GALNT9: variants seen among roughly 807,000 people sequenced by gnomAD.
The protein encoded by GALNT9 is polypeptide N-acetylgalactosaminyltransferase 9, also known as GalNAc transferase 9.
In GALNT9, 47 loss-of-function variants were observed where a neutral mutation model predicts 63.1. That is an observed-to-expected ratio of 0.75 (90% CI 0.59 to 0.95). The LOEUF (loss-of-function observed/expected upper bound fraction) is 0.95. Ranked by LOEUF, GALNT9 falls within the 40% of genes least tolerant of loss-of-function variation. The pLI is 0.00. For synonymous variants in GALNT9, 396 were observed against 365.7 expected (o/e 1.08, Z -0.94); for missense variants, 829 against 874.8 (o/e 0.95, Z 0.66).
At chr12:132,322,888 G>C (rs1555246259) in intron 1 of GALNT9, among the ~76,000 whole-genome samples, 1 of 152,224 alleles carries the variant, frequency 6.6e-6, no homozygotes, top group African/African-American at 2.4e-5. Flanking sequence ...GCTGACACCA[G>C]TCCGCTTGCT....
At chr12:132,202,404 T>G (rs1876220701) in intron 7 of GALNT9, among the ~76,000 whole-genome samples, 1 of 152,052 alleles carries the variant, frequency 6.6e-6, no homozygotes, top group South Asian at 2.1e-4. Flanking sequence ...CGGGAGCTGA[T>G]ATGGGGGCTG....
chr12:132,313,817 C>G (rs1343909844), intron 1 of GALNT9, among the ~76,000 whole-genome samples: 1 of 90,926 alleles, frequency 1.1e-5, no homozygotes, highest in Non-Finnish European at 2.1e-5. Flanking sequence ...CACCCATCCA[C>G]CCACCCAGCC....
chr12:132,292,085 C>A (rs1880881622), intron 1 of GALNT9, among the ~76,000 whole-genome samples: 1 of 152,218 alleles, frequency 6.6e-6, no homozygotes, highest in African/African-American at 2.4e-5. Context: ...CAGGTTCTAA[C>A]CTGAAGCCAT....
intron 2 of GALNT9, among the ~76,000 whole-genome samples, chr12:132,271,144 G>A (rs976695461): frequency 3.3e-5 from 5 of 152,160 alleles, no homozygotes; most frequent in Admixed American, 6.5e-5. Flanking sequence ...GTGTTACTGC[G>A]GCAGCAGTGG....
intron 6 of GALNT9, among the ~76,000 whole-genome samples, chr12:132,204,110 A>G (rs1208480037): frequency 6.7e-6 from 1 of 149,522 alleles, no homozygotes; most frequent in Non-Finnish European, 1.5e-5. Context: ...GCTGCTTGCC[A>G]TGCAGACACC....
At position 132,196,729 on chromosome 12, in the gene GALNT9, A is replaced by G; in HGVS notation, c.*378T>C. The G allele has an allele frequency of 9.8e-7, 1 of 1,017,736 alleles. No homozygotes were observed. Among genetic ancestry groups the G allele is most frequent in the African/African-American group, 1.7e-5 (1 of 58,190 alleles). The allele number at this position is 1,017,736 out of a possible 1,614,324, so 63.0% of individuals were successfully genotyped here. On this transcript the variant is annotated 3_prime_UTR_variant, in exon 11 of 11. Transcript: ENST00000328957. The stretch of plus-strand genomic sequence containing the variant: ...CATGGGAGGCCTGCGGGTGGAAGAC[A>G]CCAGGGTGCAGCCTGGTGCATGGTC...
intron 1 of GALNT9, among the ~76,000 whole-genome samples, chr12:132,305,226 C>G (rs1488092115): frequency 3.4e-5 from 2 of 58,100 alleles, no homozygotes; most frequent in Admixed American, 1.9e-4. Flanking sequence ...CTCGCCCGGA[C>G]ACACCCTCAC....
At chr12:132,240,531 G>A (rs2136898485) in intron 6 of GALNT9, 2 of 441,336 alleles carry the variant, frequency 4.5e-6, no homozygotes, top group Non-Finnish European at 4.5e-6. Flanking sequence ...GTGCTGCTGT[G>A]GGCCTGGCGT....
chr12:132,325,416 T>TG (rs767781511), intron 1 of GALNT9, among the ~76,000 whole-genome samples: 13 of 151,810 alleles, frequency 8.6e-5, no homozygotes, highest in East Asian at 1.9e-4. Flanking sequence ...CACACAGTCA[T>TG]GGGGGGATGC....
chr12:132,225,013 ACC>A (rs1186578046), intron 6 of GALNT9, among the ~76,000 whole-genome samples: 1,246 of 95,434 alleles, frequency 0.013, 23 homozygotes, highest in East Asian at 0.067. Flanking sequence ...CTATACGTAC[ACC>A]CCCCCCACAC....
chr12:132,293,344 G>A (rs1343582630), intron 1 of GALNT9, among the ~76,000 whole-genome samples: 4 of 152,234 alleles, frequency 2.6e-5, no homozygotes, highest in Non-Finnish European at 4.4e-5. Flanking sequence ...GGGCTCCGGG[G>A]AGCCTCTGGC....
At chr12:132,244,064 C>T (rs2136906177) in intron 6 of GALNT9, among the ~76,000 whole-genome samples, 27 of 150,390 alleles carry the variant, frequency 1.8e-4, no homozygotes, top group Non-Finnish European at 3.1e-4. Flanking sequence ...GTGCAGTTCT[C>T]GACACCGGCA....
chr12:132,202,369 T>G (rs1241252950), intron 7 of GALNT9, among the ~76,000 whole-genome samples: 2 of 152,258 alleles, frequency 1.3e-5, no homozygotes, highest in Admixed American at 1.3e-4. Flanking sequence ...CGAGTGCACG[T>G]GTCTACGGCT....
rs150934458 is a variant in GALNT9 at position 132,303,830 on chromosome 12, G to A, written c.239-17400C>T. Among the ~76,000 whole-genome samples the A allele has an allele frequency of 1.3e-3, 5 of 3,896 alleles. 1 individual carries two copies. The highest frequency in any genetic ancestry group is 5.4e-3 in the African/African-American group (5 of 924). 2.6% of individuals were successfully genotyped at this position (3,896 alleles called of 152,430 possible). A position where few individuals can be genotyped will look rare whatever the true frequency, so the allele number is the denominator to read the frequency against. On this transcript the variant is annotated intron_variant, in intron 1 of 10. Transcript: ENST00000328957. ...ACCCTCACCCGGGCACACCCTCACC[G>A]GGGCACACCCTCACCCGGACACACC...
At chr12:132,203,390 A>T in intron 7 of GALNT9, 115 bp downstream of exon 7, 1 of 867,242 alleles carries the variant, frequency 1.2e-6, no homozygotes, top group Non-Finnish European at 1.8e-6. Context: ...ACCTGTCAAC[A>T]CACCCACTCA....
In GALNT9 at chr12:132,286,508, C is replaced by G; in HGVS notation, c.239-78G>C. On this transcript the variant is annotated intron_variant, in intron 1 of 10. Transcript: ENST00000328957. The surrounding 1 kb of genome is among the most constrained non-coding windows in gnomAD (Gnocchi z 7.4). The stretch of plus-strand genomic sequence containing the variant: ...GCACCCAGGAGACGCCCCTCCCGCC[C>G]CTCTCCCCGACGGCCGCTTCCCCCG... 6.9e-7 allele frequency: 1 copy of G among 1,452,648 alleles called. No individual in the cohort carries two copies. The highest frequency in any genetic ancestry group is 9.1e-7 in the Non-Finnish European group (1 of 1,104,958). 90.0% of individuals were successfully genotyped at this position (1,452,648 alleles called of 1,614,324 possible).
At chr12:132,320,511 A>G (rs1868735438) in intron 1 of GALNT9, among the ~76,000 whole-genome samples, 1 of 152,280 alleles carries the variant, frequency 6.6e-6, no homozygotes, top group Non-Finnish European at 1.5e-5. Flanking sequence ...TAAGTGATGG[A>G]TTGGCACCAA....
intron 6 of GALNT9, among the ~76,000 whole-genome samples, chr12:132,230,691 C>G (rs991363165): frequency 6.6e-6 from 1 of 152,228 alleles, no homozygotes; most frequent in Non-Finnish European, 1.5e-5. Flanking sequence ...GAGGCCCGGT[C>G]CTCCTGTAGC....
rs2136900292 is a variant in GALNT9, at chr12:132,240,959, C to G, written c.1077+6951G>C. ...CACGCCACACCCCCTTCCCGGGGCC[C>G]TCCCTATACCCATTACACACACGCC... On this transcript the variant is annotated intron_variant, in intron 6 of 10. Transcript: ENST00000328957. Among the ~76,000 whole-genome samples, 46 of 108,292 alleles carry G rather than the reference C, an allele frequency of 4.2e-4. 1 individual carries two copies. Among genetic ancestry groups the G allele is most frequent in the Middle Eastern group, 7.0e-3 (1 of 142 alleles). 71.0% of individuals were successfully genotyped at this position (108,292 alleles called of 152,430 possible). A position where few individuals can be genotyped will look rare whatever the true frequency, so the allele number is the denominator to read the frequency against.
Sources: allele counts gnomAD v4.1 joint callset (sites outside exome capture counted in the v4.1 genomes callset), GRCh38; gene constraint gnomAD v4.1.1; non-coding constraint Gnocchi (gnomAD v3.1); transcripts MANE v1.5; gene names NCBI Gene and HGNC (gene_info 2026-07-23, HGNC 2026-07-21).